TMEFF2: variants seen among roughly 807,000 people sequenced by gnomAD.
TMEFF2 encodes transmembrane protein with EGF like and two follistatin like domains 2.
TMEFF2 carries 28 observed loss-of-function variants against 53.8 expected under a neutral mutation model. The observed-to-expected ratio is 0.52, with a 90% CI of 0.39 to 0.71. The LOEUF (loss-of-function observed/expected upper bound fraction) is 0.71. TMEFF2 is among the 30% of genes least tolerant of loss of function. TMEFF2 has a pLI of 0.00. For synonymous variants in TMEFF2, 162 were observed against 166.3 expected (o/e 0.97, Z 0.20); for missense variants, 353 against 455.2 (o/e 0.78, Z 2.04).
chr2:192,180,750 G>C (rs996513019), intron 3 of TMEFF2, among the ~76,000 whole-genome samples: 1 of 151,672 alleles, frequency 6.6e-6, no homozygotes, highest in African/African-American at 2.4e-5. Flanking sequence ...AAGAGGCATG[G>C]TGTTTGAAAA....
At chr2:192,111,515 G>C (rs1243058359) in intron 4 of TMEFF2, among the ~76,000 whole-genome samples, 3 of 152,124 alleles carry the variant, frequency 2.0e-5, no homozygotes, top group Non-Finnish European at 4.4e-5. Flanking sequence ...CATGACTTAG[G>C]TGCTGTTAAA....
intron 5 of TMEFF2, among the ~76,000 whole-genome samples, chr2:192,019,636 C>CTTTTTTTTTTTTT (rs907901415): frequency 6.8e-6 from 1 of 147,612 alleles, no homozygotes. Flanking sequence ...TAAATGTTGT[C>CTTTTTTTTTTTTT]TTTTTTTTTT....
chr2:192,173,329 C>T (rs1690960875), intron 4 of TMEFF2, among the ~76,000 whole-genome samples: 1 of 151,760 alleles, frequency 6.6e-6, no homozygotes, highest in Admixed American at 6.6e-5. Context: ...TTTCTATAAA[C>T]TATACAGCAT....
intron 4 of TMEFF2, among the ~76,000 whole-genome samples, chr2:192,165,222 A>C (rs780258190): frequency 2.0e-5 from 3 of 152,176 alleles, no homozygotes; most frequent in Non-Finnish European, 2.9e-5. Context: ...AACAGACTAC[A>C]CATAAAGACA....
chr2:192,028,060 G>A (rs1260132493), intron 5 of TMEFF2: 2 of 42,620 alleles, frequency 4.7e-5, no homozygotes, highest in Admixed American at 2.1e-4. Flanking sequence ...TGAATTATGG[G>A]GGGGGGGGGG....
At chr2:192,089,161 G>C (rs1688733213) in intron 4 of TMEFF2, among the ~76,000 whole-genome samples, 1 of 152,010 alleles carries the variant, frequency 6.6e-6, no homozygotes. Flanking sequence ...AGGGTACCTA[G>C]ACAAAGCTCT....
At chr2:192,091,194 C>G (rs144866963) in intron 4 of TMEFF2, among the ~76,000 whole-genome samples, 4 of 152,082 alleles carry the variant, frequency 2.6e-5, no homozygotes, top group Non-Finnish European at 4.4e-5. Flanking sequence ...GTACTTCCCC[C>G]GTGTGTATCT....
At chr2:192,109,100 G>A (rs1313457408) in intron 4 of TMEFF2, among the ~76,000 whole-genome samples, 1 of 152,010 alleles carries the variant, frequency 6.6e-6, no homozygotes, top group African/African-American at 2.4e-5. Flanking sequence ...TAGTGGTAAT[G>A]GCTGCACAAT....
intron 4 of TMEFF2, among the ~76,000 whole-genome samples, chr2:192,085,710 A>G (rs76563168): frequency 1.7e-5 from 1 of 58,438 alleles, no homozygotes; most frequent in Non-Finnish European, 3.9e-5. Context: ...TAGAAGCAGG[A>G]AAAAAAAAAA....
At chr2:191,984,612 TTTCTA>T (rs1263285083) in intron 7 of TMEFF2, among the ~76,000 whole-genome samples, 1 of 152,132 alleles carries the variant, frequency 6.6e-6, no homozygotes, top group Non-Finnish European at 1.5e-5. Context: ...ATAGATTTCT[TTTCTA>T]AGGCTAAATA....
chr2:192,079,482 A>T (rs1219149654), intron 4 of TMEFF2, among the ~76,000 whole-genome samples: 1 of 152,210 alleles, frequency 6.6e-6, no homozygotes, highest in East Asian at 1.9e-4. Flanking sequence ...ATAATAGAAA[A>T]AACATGGATC....
At chr2:192,104,511 A>G (rs10166928) in intron 4 of TMEFF2, among the ~76,000 whole-genome samples, 30,976 of 152,078 alleles carry the variant, frequency 0.2, 4,467 homozygotes, top group East Asian at 0.46. Flanking sequence ...AATATATGAA[A>G]CCATTAAAAT....
intron 4 of TMEFF2, among the ~76,000 whole-genome samples, chr2:192,172,393 T>C (rs867523257): frequency 6.6e-6 from 1 of 151,848 alleles, no homozygotes; most frequent in Non-Finnish European, 1.5e-5. Flanking sequence ...AGAGTCTAAG[T>C]AGCCTGTCCA....
intron 7 of TMEFF2, among the ~76,000 whole-genome samples, chr2:191,957,541 G>A (rs1692143265): frequency 6.6e-6 from 1 of 152,114 alleles, no homozygotes; most frequent in Non-Finnish European, 1.5e-5. Flanking sequence ...ACATGCCTCT[G>A]GTATTAGCGA....
intron 5 of TMEFF2, among the ~76,000 whole-genome samples, chr2:192,022,348 G>A (rs1246194262): frequency 1.3e-5 from 2 of 152,198 alleles, no homozygotes; most frequent in East Asian, 3.8e-4. Flanking sequence ...GTCCTTGCAT[G>A]TTCTGGTTTG....
intron 4 of TMEFF2, among the ~76,000 whole-genome samples, chr2:192,127,304 T>C (rs1689700112): frequency 1.3e-5 from 2 of 152,228 alleles, no homozygotes; most frequent in Admixed American, 6.5e-5. Context: ...TGACTAATAA[T>C]AGAGCAAATT....
chr2:191,989,022 T>C (rs554934888), intron 7 of TMEFF2, among the ~76,000 whole-genome samples: 2 of 152,312 alleles, frequency 1.3e-5, no homozygotes, highest in African/African-American at 4.8e-5. Flanking sequence ...TTCTTTGTTA[T>C]TGGCCAAACC....
chr2:192,165,757 A>G (rs945787639), intron 4 of TMEFF2, among the ~76,000 whole-genome samples: 26 of 152,096 alleles, frequency 1.7e-4, no homozygotes, highest in African/African-American at 6.3e-4. Context: ...AAAAAAAAAA[A>G]AATTAGAGAC....
Position 192,162,313 on chromosome 2 carries a change from G to T in TMEFF2, c.439+17355C>A, listed in dbSNP as rs1690653753. Among the ~76,000 whole-genome samples, 3 of 152,154 alleles carry T rather than the reference G, an allele frequency of 2.0e-5. No homozygotes were observed. The South Asian group carries it at 6.2e-4, about 32-fold the overall frequency. On this transcript the variant is annotated intron_variant, in intron 4 of 9. Transcript: ENST00000272771. ...GAGTGTGCTGTGTCTGTTATTTATG[G>T]ATTAAAAAATTTGATAATACCTATC...
Sources: gnomAD v4.1 joint callset for allele counts (sites outside exome capture counted in the v4.1 genomes callset) on GRCh38, gnomAD v4.1.1 for gene constraint, MANE v1.5 for transcripts, NCBI Gene and HGNC (gene_info 2026-07-23, HGNC 2026-07-21) for gene names.